The following CSMD1 variants were observed in gnomAD, a reference collection of about 807,000 sequenced individuals.
CSMD1 encodes CUB and Sushi multiple domains 1.
A neutral mutation model predicts 417.5 loss-of-function variants in CSMD1; 213 were observed. The observed-to-expected ratio is 0.51, with a 90% CI of 0.46 to 0.57. The LOEUF (loss-of-function observed/expected upper bound fraction) is 0.57. Ranked by LOEUF, CSMD1 falls within the 20% of genes least tolerant of loss-of-function variation. CSMD1 has a pLI of 0.00. For missense variants in CSMD1, 6,923 were observed against 4,529.7 expected (o/e 1.53, Z -15.17); for synonymous variants, 2,862 against 1,736.8 (o/e 1.65, Z -16.11).
intron 5 of CSMD1, among the ~76,000 whole-genome samples, chr8:3,973,378 G>T (rs1234945828): frequency 2.0e-5 from 3 of 152,188 alleles, no homozygotes; most frequent in South Asian, 2.1e-4. Context: ...TAACTTTCAT[G>T]TATTCACCTA....
intron 3 of CSMD1, among the ~76,000 whole-genome samples, chr8:4,207,256 A>G (rs1800034436): frequency 6.6e-6 from 1 of 152,208 alleles, no homozygotes; most frequent in South Asian, 2.1e-4. Flanking sequence ...CCATTATTTC[A>G]AGTGACAGAA....
At chr8:3,077,518 C>T (rs371584231) in intron 49 of CSMD1, among the ~76,000 whole-genome samples, 16 of 152,204 alleles carry the variant, frequency 1.1e-4, no homozygotes, top group African/African-American at 2.7e-4. Flanking sequence ...GGGCAGAAGC[C>T]TCATCCTGGC....
chr8:4,833,620 G>T (rs772295377), intron 1 of CSMD1, among the ~76,000 whole-genome samples: 2 of 152,272 alleles, frequency 1.3e-5, no homozygotes, highest in African/African-American at 4.8e-5. Flanking sequence ...GACTTTCTCC[G>T]CTGATACTGT....
rs933091717 is a variant in CSMD1 at position 4,077,665 on chromosome 8, C to G, written c.416-45566G>C. ...GTGACAAAAGGGAGGTATATTTGAT[C>G]TTTTTCATGTATTTGTTTCCTAAGA... is the stretch of plus-strand genomic sequence containing the variant. On this transcript the variant is annotated intron_variant, in intron 3 of 69. Transcript: ENST00000635120. 3.9e-5 allele frequency among the ~76,000 whole-genome samples: 6 copies of G among 152,224 alleles called. No homozygotes were observed. In the South Asian group the frequency reaches 8.3e-4, roughly 21 times the overall value.
At chr8:3,916,249 A>G (rs1185427078) in intron 5 of CSMD1, among the ~76,000 whole-genome samples, 1 of 152,152 alleles carries the variant, frequency 6.6e-6, no homozygotes, top group Admixed American at 6.5e-5. Context: ...TAACGAAAAT[A>G]TATACAACAG....
At chr8:3,452,532 G>C (rs1205970388) in intron 12 of CSMD1, among the ~76,000 whole-genome samples, 4 of 152,166 alleles carry the variant, frequency 2.6e-5, no homozygotes, top group East Asian at 3.9e-4. Flanking sequence ...ATGAAGTGTT[G>C]TTGAATTTTG....
chr8:3,934,235 G>A (rs1486693276), intron 5 of CSMD1, among the ~76,000 whole-genome samples: 1 of 152,108 alleles, frequency 6.6e-6, no homozygotes, highest in Non-Finnish European at 1.5e-5. Flanking sequence ...GATGAAAACT[G>A]ATGAACTTGC....
chr8:4,985,309 A>G (rs1242249530), intron 1 of CSMD1, among the ~76,000 whole-genome samples: 1 of 152,130 alleles, frequency 6.6e-6, no homozygotes, highest in Non-Finnish European at 1.5e-5. Flanking sequence ...ACAACCCCCC[A>G]TGACACACAT....
rs1812806835 is a variant in CSMD1, at chr8:3,412,006, A to ATGTATACGTGTATATACACG, written c.1562-2402_1562-2401insCGTGTATATACACGTATACA. Among the ~76,000 whole-genome samples the ATGTATACGTGTATATACACG allele has an allele frequency of 7.2e-5, 2 of 27,796 alleles. 1 individual carries two copies. Among genetic ancestry groups the ATGTATACGTGTATATACACG allele is most frequent in the African/African-American group, 2.5e-4 (2 of 7,848 alleles). The allele number at this position is 27,796 out of a possible 152,430, so 18.2% of individuals were successfully genotyped here. On this transcript the variant is annotated intron_variant, in intron 12 of 69. Transcript: ENST00000635120. Reference sequence around the variant, plus strand: ...CGTATATATACGTGTATATACACGTATATATATACATATACACACGTATAT... The same window carrying ATGTATACGTGTATATACACG: ...CGTATATATACGTGTATATACACGTATGTATACGTGTATATACACGTATATATACATATACACACGTATAT...
chr8:3,016,468 T>C (rs570025496), intron 52 of CSMD1, among the ~76,000 whole-genome samples: 102 of 152,350 alleles, frequency 6.7e-4, no homozygotes, highest in African/African-American at 2.4e-3. Context: ...ATGTCTTTGA[T>C]AAAGGAATAT....
chr8:3,548,048 T>A (rs1399581023), intron 10 of CSMD1, among the ~76,000 whole-genome samples: 2 of 152,102 alleles, frequency 1.3e-5, no homozygotes, highest in Non-Finnish European at 2.9e-5. Context: ...AACCACCCCA[T>A]GAAAGTAGGA....
chr8:4,825,260 A>G (rs928247504), intron 1 of CSMD1, among the ~76,000 whole-genome samples: 14 of 152,106 alleles, frequency 9.2e-5, no homozygotes, highest in Admixed American at 5.2e-4. Flanking sequence ...ATATGCATAC[A>G]CCCATGACAC....
At chr8:4,441,107 T>TTTTTTTTTTTGTTTTTTTG in intron 2 of CSMD1, among the ~76,000 whole-genome samples, 1 of 125,026 alleles carries the variant, frequency 8.0e-6, no homozygotes, top group South Asian at 3.1e-4. Flanking sequence ...TTTTTTTTTT[T>TTTTTTTTTTTGTTTTTTTG]TTTTTTTTTT....
intron 26 of CSMD1, among the ~76,000 whole-genome samples, chr8:3,238,923 G>C (rs866161677): frequency 6.6e-6 from 1 of 152,166 alleles, no homozygotes; most frequent in Non-Finnish European, 1.5e-5. Context: ...ATAAGTAGTT[G>C]AGAATGGTGA....
At chr8:3,106,504 G>C (rs747663288) in intron 46 of CSMD1, 24 bp downstream of exon 46, 14 of 1,430,640 alleles carry the variant, frequency 9.8e-6, no homozygotes, top group Admixed American at 5.2e-5. Context: ...AGTTTATGTA[G>C]TTTTAGTATC....
In CSMD1 at chr8:4,892,695, T is replaced by A. The variant is rs1203034640; in HGVS notation, c.85+101637A>T. ...TTTCTATGCATTCATATAGTCTTTTTGTACATTTACTGATATATTGCTTTT... is the reference window on the plus strand; with the variant it reads ...TTTCTATGCATTCATATAGTCTTTTAGTACATTTACTGATATATTGCTTTT... On this transcript the variant is annotated intron_variant, in intron 1 of 69. Transcript: ENST00000635120. Among the ~76,000 whole-genome samples, 4 of 152,108 alleles carry A rather than the reference T, an allele frequency of 2.6e-5. No individual in the cohort carries two copies. The East Asian group carries it at 7.7e-4, about 29-fold the overall frequency.
chr8:4,563,529 G>C (rs986673345), intron 2 of CSMD1, among the ~76,000 whole-genome samples: 1 of 152,138 alleles, frequency 6.6e-6, no homozygotes, highest in Non-Finnish European at 1.5e-5. Flanking sequence ...CCCACGCACT[G>C]ATACTCCTCA....
intron 4 of CSMD1, among the ~76,000 whole-genome samples, chr8:4,024,271 A>G (rs1796947020): frequency 6.6e-6 from 1 of 152,234 alleles, no homozygotes; most frequent in Non-Finnish European, 1.5e-5. Context: ...GAAAGTTCAC[A>G]ACGGATAAAG....
chr8:3,310,887 TA>T (rs1248367838), intron 23 of CSMD1, among the ~76,000 whole-genome samples: 3 of 152,118 alleles, frequency 2.0e-5, no homozygotes, highest in Admixed American at 1.3e-4. Flanking sequence ...TCTGGAGTTT[TA>T]AAAAAAGTTT....
Sources: gnomAD v4.1 joint callset for allele counts (sites outside exome capture counted in the v4.1 genomes callset) on GRCh38, gnomAD v4.1.1 for gene constraint, MANE v1.5 for transcripts, NCBI Gene and HGNC (gene_info 2026-07-23, HGNC 2026-07-21) for gene names.